The following TMEM132B variants were observed in gnomAD, a reference collection of about 807,000 sequenced individuals.
TMEM132B encodes the protein transmembrane protein 132B.
A neutral mutation model predicts 90.8 loss-of-function variants in TMEM132B; 18 were observed. The ratio of observed to expected loss-of-function variants is 0.20; its 90% confidence interval spans 0.14 to 0.29. TMEM132B has a LOEUF of 0.29. TMEM132B is among the 10% of genes least tolerant of loss of function. The pLI is 1.00. For missense variants in TMEM132B, 1,096 were observed against 1,326.8 expected (o/e 0.83, Z 2.70); for synonymous variants, 504 against 523.3 (o/e 0.96, Z 0.50).
chr12:125,624,914 C>T (rs1886194400), intron 5 of TMEM132B, among the ~76,000 whole-genome samples: 1 of 152,014 alleles, frequency 6.6e-6, no homozygotes, highest in African/African-American at 2.4e-5. Context: ...CTATGCAGTT[C>T]TATGGGTTTT....
chr12:125,331,217 C>G (rs569682248), intron 1 of TMEM132B, among the ~76,000 whole-genome samples: 14 of 152,240 alleles, frequency 9.2e-5, no homozygotes, highest in Non-Finnish European at 1.3e-4. Flanking sequence ...GGGTCGGTCC[C>G]CTCCTCCGCG....
chr12:125,558,164 A>G (rs1342308551), intron 4 of TMEM132B, among the ~76,000 whole-genome samples: 2 of 152,148 alleles, frequency 1.3e-5, no homozygotes, highest in Non-Finnish European at 2.9e-5. Flanking sequence ...AGTGCTCTGA[A>G]GTTGGCATCA....
At chr12:125,273,790 C>T (rs973900859) in intron 1 of TMEM132B, among the ~76,000 whole-genome samples, 5 of 152,094 alleles carry the variant, frequency 3.3e-5, no homozygotes, top group African/African-American at 4.8e-5. Flanking sequence ...CTCAGCTTCC[C>T]GAATAGCCTG....
intron 2 of TMEM132B, among the ~76,000 whole-genome samples, chr12:125,414,091 G>A (rs144274502): frequency 1.2e-3 from 178 of 152,302 alleles, no homozygotes; most frequent in African/African-American, 4.0e-3. Context: ...GATGACTAAT[G>A]ATGTTGTTGA....
intron 3 of TMEM132B, among the ~76,000 whole-genome samples, chr12:125,465,072 T>C (rs1156261313): frequency 2.6e-5 from 4 of 152,208 alleles, no homozygotes; most frequent in Non-Finnish European, 5.9e-5. Flanking sequence ...ATAATTGTGT[T>C]TTGGAAAAGC....
chr12:125,638,602 C>G (rs1251673264), intron 5 of TMEM132B, among the ~76,000 whole-genome samples: 1 of 151,368 alleles, frequency 6.6e-6, no homozygotes, highest in Non-Finnish European at 1.5e-5. Flanking sequence ...GATTCTGTAG[C>G]ATTTTTTTTT....
intron 2 of TMEM132B, among the ~76,000 whole-genome samples, chr12:125,389,301 A>T (rs1002766506): frequency 2.0e-5 from 3 of 151,940 alleles, no homozygotes; most frequent in African/African-American, 7.3e-5. Context: ...TGGGCAGAGA[A>T]ATTGCAGCTC....
chr12:125,449,701 A>G (rs1437038146), intron 3 of TMEM132B, among the ~76,000 whole-genome samples: 13 of 151,968 alleles, frequency 8.6e-5, no homozygotes, highest in African/African-American at 2.7e-4. Context: ...TGCTTAAACA[A>G]TAGAAATTTA....
chr12:125,466,366 C>T (rs533282727), intron 3 of TMEM132B, among the ~76,000 whole-genome samples: 2 of 152,332 alleles, frequency 1.3e-5, no homozygotes, highest in South Asian at 4.1e-4. Context: ...GGAAATCGCT[C>T]TGTTCCCTGA....
At chr12:125,637,243 G>T (rs1886507400) in intron 5 of TMEM132B, among the ~76,000 whole-genome samples, 1 of 152,208 alleles carries the variant, frequency 6.6e-6, no homozygotes, top group Non-Finnish European at 1.5e-5. Flanking sequence ...AATCCAGGCT[G>T]CTTTAAATAC....
At chr12:125,609,095 C>G (rs1422893314) in intron 5 of TMEM132B, among the ~76,000 whole-genome samples, 1 of 152,148 alleles carries the variant, frequency 6.6e-6, no homozygotes, top group Non-Finnish European at 1.5e-5. Flanking sequence ...TCTCCTGAGA[C>G]TCACTCATTG....
At chr12:125,425,985 T>C (rs1880309159) in intron 3 of TMEM132B, among the ~76,000 whole-genome samples, 1 of 152,148 alleles carries the variant, frequency 6.6e-6, no homozygotes, top group South Asian at 2.1e-4. Flanking sequence ...TGCTGGATCA[T>C]ATGATAAGAA....
At chr12:125,424,564 G>A (rs1052878743) in intron 3 of TMEM132B, among the ~76,000 whole-genome samples, 2 of 152,128 alleles carry the variant, frequency 1.3e-5, no homozygotes, top group Non-Finnish European at 2.9e-5. Context: ...AGGTTTGTGC[G>A]TTGTCAAATG....
intron 1 of TMEM132B, among the ~76,000 whole-genome samples, chr12:125,221,767 G>T (rs1222760241): frequency 6.6e-6 from 1 of 152,246 alleles, no homozygotes; most frequent in Non-Finnish European, 1.5e-5. Flanking sequence ...GGACATTCAT[G>T]TGGAATTCAG....
chr12:125,352,941 T>C lies in TMEM132B; in HGVS notation c.959+2598T>C, dbSNP rs141079699. Among the ~76,000 whole-genome samples the C allele has an allele frequency of 4.7e-3, 710 of 152,344 alleles. 10 individuals are homozygous for C. The highest frequency in any genetic ancestry group is 0.023 in the South Asian group (112 of 4,830). On this transcript the variant is annotated intron_variant, in intron 2 of 8. Transcript: ENST00000682704. ...GCTGTTACTGATTCAAAACTTGGTGTGGACTGAGCCCTGTGCTAGTCACTC... is the reference window on the plus strand; with the variant it reads ...GCTGTTACTGATTCAAAACTTGGTGCGGACTGAGCCCTGTGCTAGTCACTC...
At chr12:125,645,217 CAAAA>C (rs57035989) in intron 6 of TMEM132B, among the ~76,000 whole-genome samples, 5 of 73,552 alleles carry the variant, frequency 6.8e-5, no homozygotes, top group African/African-American at 2.2e-4. Context: ...GACTCCGTCT[CAAAA>C]AAAAAAAAAA....
intron 1 of TMEM132B, among the ~76,000 whole-genome samples, chr12:125,294,959 T>C (rs1469011512): frequency 3.3e-5 from 5 of 152,056 alleles, no homozygotes; most frequent in South Asian, 2.1e-4. Context: ...TAAAGAAAAA[T>C]GCAGGAAGCA....
chr12:125,308,834 C>G (rs532937089), intron 1 of TMEM132B, among the ~76,000 whole-genome samples: 2 of 152,090 alleles, frequency 1.3e-5, no homozygotes, highest in African/African-American at 4.8e-5. Context: ...CAATTCCATC[C>G]CCTCTCCCAG....
rs192936494 is a variant in TMEM132B at position 125,427,090 on chromosome 12, C to T, written c.1106+11413C>T. 1.1e-4 allele frequency among the ~76,000 whole-genome samples: 17 copies of T among 152,314 alleles called. No individual in the cohort carries two copies. The East Asian group carries it at 3.1e-3, about 28-fold the overall frequency. ...AATATTAACACTATATTATATTCGTCTTGCAAAATGCTCTTAAATGCAAAA... is the reference window on the plus strand; with the variant it reads ...AATATTAACACTATATTATATTCGTTTTGCAAAATGCTCTTAAATGCAAAA... On this transcript the variant is annotated intron_variant, in intron 3 of 8. Coordinates refer to ENST00000682704, the MANE Select transcript of TMEM132B (RefSeq NM_001366854.1).
Sources: allele counts gnomAD v4.1 joint callset (sites outside exome capture counted in the v4.1 genomes callset), GRCh38; gene constraint gnomAD v4.1.1; transcripts MANE v1.5; gene names NCBI Gene and HGNC (gene_info 2026-07-23, HGNC 2026-07-21).